RMC1: variants seen among roughly 807,000 people sequenced by gnomAD.
RMC1 encodes the protein regulator of MON1-CCZ1, also known as regulator of MON1-CCZ1 complex.
A neutral mutation model predicts 95.5 loss-of-function variants in RMC1; 44 were observed. That is an observed-to-expected ratio of 0.46 (90% confidence interval 0.36 to 0.59). The LOEUF (loss-of-function observed/expected upper bound fraction) is 0.59. RMC1 is among the 20% of genes least tolerant of loss of function. RMC1 has a pLI of 0.00. For missense variants in RMC1, 705 were observed against 819.6 expected, an observed-to-expected ratio of 0.86 and a Z score of 1.71; for synonymous variants, 320 against 303.6, an observed-to-expected ratio of 1.05 and a Z score of -0.56.
chr18:23,518,380 T>C (rs1296386884), intron 7 of RMC1, among the ~76,000 whole-genome samples: 1 of 151,850 alleles, frequency 6.6e-6, no homozygotes, highest in Non-Finnish European at 1.5e-5. Context: ...TAGTCCTAGC[T>C]ACTGGGGAGG....
At chr18:23,528,924 G>T in intron 14 of RMC1, 1 of 365,980 alleles carries the variant, frequency 2.7e-6, no homozygotes. Flanking sequence ...TTATTGCCCA[G>T]GCTGGAGTGC....
rs1224157898 is a variant in RMC1 at position 23,526,711 on chromosome 18, T to C, written c.1135T>C (p.Phe379Leu). The C allele has an allele frequency of 6.2e-7, 1 of 1,614,174 alleles. No homozygotes were observed. Among genetic ancestry groups the C allele is most frequent in the Admixed American group, 1.7e-5 (1 of 60,016 alleles). The change falls in exon 13 of 20, where the codon TTT (phenylalanine) becomes CTT (leucine). Residue 379 changes from phenylalanine to leucine, a missense_variant. Transcript: ENST00000269221. ...LLPDKGRLMD[F>L]LLQRKECKMV... The stretch of plus-strand genomic sequence containing the variant: ...ACCAGACAAAGGAAGACTCATGGAC[T>C]TTCTCCTCCAGAGAAAGGAATGCAA...
rs536923700 is a variant in RMC1 at position 23,504,364 on chromosome 18, C to G, written c.103-7C>G. 2 of 1,613,582 alleles carry G rather than the reference C, an allele frequency of 1.2e-6. No homozygotes were observed. The highest frequency in any genetic ancestry group is 2.2e-5 in the South Asian group (2 of 91,070). Reference sequence around the variant, plus strand: ...AGGCTGTTAACCTTGCTGCTTTTCCCTCTCAGGTTTTTGCTGTTCGATCTG... The same window carrying G: ...AGGCTGTTAACCTTGCTGCTTTTCCGTCTCAGGTTTTTGCTGTTCGATCTG... On this transcript the variant is annotated splice_polypyrimidine_tract_variant and splice_region_variant and intron_variant, in intron 1 of 19. Coordinates refer to ENST00000269221, the MANE Select transcript of RMC1 (RefSeq NM_013326.5).
chr18:23,514,291 G>A (rs1019081406), intron 5 of RMC1, among the ~76,000 whole-genome samples: 5 of 152,190 alleles, frequency 3.3e-5, no homozygotes, highest in African/African-American at 9.6e-5. Context: ...CGAGGTGGGC[G>A]ATCATCTGAG....
At chr18:23,508,474 C>T (rs985341714) in intron 4 of RMC1, among the ~76,000 whole-genome samples, 4 of 152,132 alleles carry the variant, frequency 2.6e-5, no homozygotes, top group Non-Finnish European at 5.9e-5. Context: ...CTTACTCTTT[C>T]TTTCTTCTCC....
At chr18:23,512,096 C>T (rs896759577) in intron 5 of RMC1, among the ~76,000 whole-genome samples, 6 of 150,578 alleles carry the variant, frequency 4.0e-5, no homozygotes, top group Non-Finnish European at 7.4e-5. Context: ...TCTCGGCTCA[C>T]GGCAACCTCC....
At chr18:23,508,109 C>G in intron 4 of RMC1, 68 bp downstream of exon 4, 10 of 1,410,392 alleles carry the variant, frequency 7.1e-6, no homozygotes, top group Non-Finnish European at 8.6e-6. Context: ...TAGTGGAGAG[C>G]GGGGCATTGG....
intron 5 of RMC1, among the ~76,000 whole-genome samples, chr18:23,513,034 A>G (rs2057904834): frequency 6.6e-6 from 1 of 151,846 alleles, no homozygotes; most frequent in Admixed American, 6.6e-5. Context: ...GCTCACTGCA[A>G]CCTCTGTCTC....
chr18:23,531,063 C>T (rs1230587027), intron 19 of RMC1, among the ~76,000 whole-genome samples: 1 of 151,572 alleles, frequency 6.6e-6, no homozygotes, highest in African/African-American at 2.4e-5. Flanking sequence ...GGTGTGATCT[C>T]GGTTCACTGC....
intron 4 of RMC1, 22 bp from the exon 5 acceptor site, chr18:23,509,171 A>G (rs994429634): frequency 3.7e-6 from 4 of 1,093,698 alleles, no homozygotes; most frequent in Non-Finnish European, 2.5e-6. Context: ...AATTAAAAAT[A>G]TTTTTAAAAA....
In RMC1 at chr18:23,507,179, T is replaced by G. The variant is rs17202709; in HGVS notation, c.264+125T>G. The G allele has an allele frequency of 3.7e-3, 2,404 of 643,106 alleles. 11 individuals are homozygous for G. Among genetic ancestry groups the G allele is most frequent in the Non-Finnish European group, 5.9e-3 (2,198 of 374,172 alleles). 39.8% of individuals were successfully genotyped at this position (643,106 alleles called of 1,614,324 possible). A position where few individuals can be genotyped will look rare whatever the true frequency, so the allele number is the denominator to read the frequency against. ...CTTACTGTTGTGAAAGGTATAGTTA[T>G]GTTGCATTGTATTAGAGCCTTCAAA... is the stretch of plus-strand genomic sequence containing the variant. On this transcript the variant is annotated intron_variant, in intron 3 of 19. Coordinates refer to ENST00000269221, the MANE Select transcript of RMC1 (RefSeq NM_013326.5).
At chr18:23,527,666 A>ATTGTATTTCTTT in intron 13 of RMC1, 129 bp from the exon 14 acceptor site, 1 of 688,546 alleles carries the variant, frequency 1.5e-6, no homozygotes, top group Non-Finnish European at 2.6e-6. Context: ...TCTTTAAAGT[A>ATTGTATTTCTTT]GAGTGTCCTT....
intron 9 of RMC1, among the ~76,000 whole-genome samples, 177 bp downstream of exon 9, chr18:23,519,351 A>G (rs541251395): frequency 2.0e-5 from 3 of 152,134 alleles, no homozygotes; most frequent in East Asian, 3.9e-4. Flanking sequence ...AACCCCACCT[A>G]TATAAAAAAT....
At chr18:23,515,529 T>C (rs975838385) in intron 5 of RMC1, among the ~76,000 whole-genome samples, 9 of 152,178 alleles carry the variant, frequency 5.9e-5, no homozygotes, top group Admixed American at 3.3e-4. Context: ...TTTGCTGTTA[T>C]TGATTTATTT....
intron 2 of RMC1, chr18:23,506,422 G>A (rs3196567): frequency 0.14 from 21,378 of 151,862 alleles, 1,717 homozygotes; most frequent in Middle Eastern, 0.29. Context: ...GAATAGAGAC[G>A]GGGTCTCACT....
At chr18:23,529,025 A>G in intron 14 of RMC1, 154 bp from the exon 15 acceptor site, 1 of 1,188,434 alleles carries the variant, frequency 8.4e-7, no homozygotes. Flanking sequence ...GATTACAGGC[A>G]TGCGCACAGG....
At chr18:23,510,817 A>G (rs2057835313) in intron 5 of RMC1, among the ~76,000 whole-genome samples, 1 of 152,264 alleles carries the variant, frequency 6.6e-6, no homozygotes, top group Non-Finnish European at 1.5e-5. Flanking sequence ...TAAAAAAGTC[A>G]AAGAATAACA....
At chr18:23,530,910 A>G (rs781229623) in intron 19 of RMC1, among the ~76,000 whole-genome samples, 4 of 152,158 alleles carry the variant, frequency 2.6e-5, no homozygotes, top group Non-Finnish European at 4.4e-5. Flanking sequence ...TAAAGCCAGG[A>G]ATAAGACGGC....
At chr18:23,514,003 A>C (rs1465281890) in intron 5 of RMC1, among the ~76,000 whole-genome samples, 2 of 152,184 alleles carry the variant, frequency 1.3e-5, no homozygotes, top group Non-Finnish European at 2.9e-5. Flanking sequence ...GTGTCCTTTG[A>C]TGTACCTGCC....
Sources: gnomAD v4.1 joint callset for allele counts (sites outside exome capture counted in the v4.1 genomes callset) on GRCh38, gnomAD v4.1.1 for gene constraint, MANE v1.5 for transcripts, NCBI Gene and HGNC (gene_info 2026-07-23, HGNC 2026-07-21) for gene names.